The following CELF2 variants were observed in gnomAD, a reference collection of about 807,000 sequenced individuals.
The protein encoded by CELF2 is CUGBP Elav-like family member 2, also known as CUG triplet repeat RNA-binding protein 2.
In CELF2, 8 loss-of-function variants were observed where a neutral mutation model predicts 62.6. The observed-to-expected ratio is 0.13, with a 90% confidence interval of 0.07 to 0.23. The LOEUF is 0.23. Among genes scored for constraint, CELF2 ranks in the 10% least tolerant of loss-of-function variants. The pLI is 1.00. For missense variants in CELF2, 333 were observed against 671.0 expected (o/e 0.50, Z 5.56); for synonymous variants, 258 against 250.0 (o/e 1.03, Z -0.30).
the CELF2 span, among the ~76,000 whole-genome samples, chr10:10,487,086 G>A: frequency 8.5e-5 from 13 of 152,166 alleles, no homozygotes; most frequent in Non-Finnish European, 2.9e-5. Flanking sequence ...AAGTAGACAT[G>A]TTTCAGAATA....
chr10:11,197,319 G>A (rs560172791), intron 2 of CELF2, among the ~76,000 whole-genome samples: 3 of 152,264 alleles, frequency 2.0e-5, no homozygotes, highest in South Asian at 4.1e-4. Flanking sequence ...GCCTCCCATT[G>A]TGATGCTCAC....
In CELF2 at chr10:11,242,015, T is replaced by C. The variant is rs1252044322; in HGVS notation, c.355-7138T>C. On this transcript the variant is annotated intron_variant, in intron 3 of 12. Transcript: ENST00000633077. This position sits in a 1 kb window ranked among gnomAD's most constrained non-coding sequence, Gnocchi z 4.8. ...GTGTTGTCATGGAATGAAAGAAAAA[T>C]ACCAGTGGGTCTTTACTGGCCATAA... Among the ~76,000 whole-genome samples the C allele has an allele frequency of 2.0e-5, 3 of 152,136 alleles. No individual in the cohort carries two copies. The highest frequency in any genetic ancestry group is 4.4e-5 in the Non-Finnish European group (3 of 68,014).
intron 2 of CELF2, chr10:10,924,940 T>C (rs2065320285): frequency 6.6e-6 from 1 of 152,180 alleles, no homozygotes; most frequent in Non-Finnish European, 1.5e-5. Flanking sequence ...TCTTAAGTCA[T>C]AGATCTTTGT....
At chr10:10,914,155 C>G (rs564462917) in intron 1 of CELF2, among the ~76,000 whole-genome samples, 19 of 151,860 alleles carry the variant, frequency 1.3e-4, no homozygotes, top group African/African-American at 3.4e-4. Flanking sequence ...GTTCTCTGTA[C>G]TTTTGGGAAA....
At chr10:11,073,308 C>T (rs962411853) in intron 1 of CELF2, among the ~76,000 whole-genome samples, 3 of 152,114 alleles carry the variant, frequency 2.0e-5, no homozygotes, top group African/African-American at 7.2e-5. Flanking sequence ...ATTTTGGTGG[C>T]ACTTAAGCCC....
rs71378768 is a variant in CELF2 at position 10,833,013 on chromosome 10, C to CTGTGTGTGTGTGTG, written c.53+34222_53+34235dup. Among the ~76,000 whole-genome samples the CTGTGTGTGTGTGTG allele has an allele frequency of 4.4e-3, 634 of 144,598 alleles. 7 individuals are homozygous for CTGTGTGTGTGTGTG. The highest frequency in any genetic ancestry group is 6.7e-3 in the African/African-American group (260 of 38,776). The allele number at this position is 144,598 out of a possible 152,430, so 94.9% of individuals were successfully genotyped here. On this transcript the variant is annotated intron_variant, in intron 1 of 13. Coordinates refer to the CELF2 transcript ENST00000636488. ...GAGCCTCCTACAGACACAGAAAACT[C>CTGTGTGTGTGTGTG]TGTGTGTGTGTGTGTGTGTGTGTGT...
At position 10,863,768 on chromosome 10, in the gene CELF2, A is replaced by G. The variant is rs202066781; in HGVS notation, c.54-56196A>G. Among the ~76,000 whole-genome samples the G allele has an allele frequency of 2.2e-3, 340 of 152,278 alleles. 3 individuals carry two copies. The highest frequency in any genetic ancestry group is 5.5e-3 in the Admixed American group (84 of 15,300). The stretch of plus-strand genomic sequence containing the variant: ...GCAAACGTAAGTGAAACTTAGCTTG[A>G]GCCACTTCTTATAAATGCCTGTATT... On this transcript the variant is annotated intron_variant, in intron 1 of 13. Coordinates refer to the CELF2 transcript ENST00000636488.
At chr10:11,094,638 C>T (rs1305867375) in intron 1 of CELF2, among the ~76,000 whole-genome samples, 1 of 152,106 alleles carries the variant, frequency 6.6e-6, no homozygotes, top group South Asian at 2.1e-4. Context: ...TTAAATACAT[C>T]GGCTGATTTA....
the CELF2 span, among the ~76,000 whole-genome samples, chr10:10,698,958 TATC>T: frequency 2.6e-5 from 4 of 152,102 alleles, no homozygotes; most frequent in Admixed American, 6.5e-5. Context: ...AATGTGTACA[TATC>T]ATACATAATT....
At chr10:10,634,479 A>C in the CELF2 span, among the ~76,000 whole-genome samples, 2 of 152,256 alleles carry the variant, frequency 1.3e-5, no homozygotes, top group African/African-American at 2.4e-5. Context: ...CATCAGCTGC[A>C]GATATGCCTT....
In CELF2 at chr10:10,873,412, A is replaced by G. The variant is rs2060884860; in HGVS notation, c.54-46552A>G. 1.3e-5 allele frequency among the ~76,000 whole-genome samples: 2 copies of G among 152,172 alleles called. 1 individual carries two copies. The highest frequency in any genetic ancestry group is 4.1e-4 in the South Asian group (2 of 4,824). ...AACAGTATTAGTGATAAAACTATTA[A>G]TTGGTTGCCTTTGCTTTGATAAGCA... On this transcript the variant is annotated intron_variant, in intron 1 of 13. Coordinates refer to the CELF2 transcript ENST00000636488.
At chr10:10,695,580 T>G in the CELF2 span, among the ~76,000 whole-genome samples, 138 of 151,418 alleles carry the variant, frequency 9.1e-4, no homozygotes, top group African/African-American at 3.3e-3. Context: ...GAAGTTCTCC[T>G]GGATAATATC....
the CELF2 span, among the ~76,000 whole-genome samples, chr10:10,759,838 T>A: frequency 2.8e-4 from 43 of 152,224 alleles, no homozygotes; most frequent in African/African-American, 1.0e-3. Context: ...GAAGACAAAT[T>A]ATATTCTTGA....
At chr10:11,197,125 C>T (rs2058165973) in intron 2 of CELF2, among the ~76,000 whole-genome samples, 1 of 151,594 alleles carries the variant, frequency 6.6e-6, no homozygotes, top group Non-Finnish European at 1.5e-5. Flanking sequence ...CATTCATTGT[C>T]TGCGTTGGTT....
the CELF2 span, among the ~76,000 whole-genome samples, chr10:10,651,019 G>C: frequency 4.0e-5 from 6 of 151,874 alleles, no homozygotes; most frequent in African/African-American, 7.3e-5. Flanking sequence ...TGCGCGCACC[G>C]TGCGCGAGCC....
chr10:11,241,689 T>C (rs2073946331), intron 3 of CELF2, among the ~76,000 whole-genome samples: 1 of 152,220 alleles, frequency 6.6e-6, no homozygotes, highest in African/African-American at 2.4e-5. Flanking sequence ...TTTTTGATTA[T>C]TCCCCATCTC....
chr10:10,578,827 A>C, the CELF2 span, among the ~76,000 whole-genome samples: 1 of 152,138 alleles, frequency 6.6e-6, no homozygotes, highest in African/African-American at 2.4e-5. Context: ...TTCTTCCTCT[A>C]AGAGCTAAGA....
chr10:10,717,856 T>C, the CELF2 span, among the ~76,000 whole-genome samples: 1 of 152,198 alleles, frequency 6.6e-6, no homozygotes, highest in Non-Finnish European at 1.5e-5. Context: ...TTAGTGTCTC[T>C]GTGGATATTA....
At position 11,246,355 on chromosome 10, in the gene CELF2, C is replaced by T. The variant is rs140140665; in HGVS notation, c.355-2798C>T. On this transcript the variant is annotated intron_variant, in intron 3 of 12. Coordinates refer to ENST00000633077, the MANE Select transcript of CELF2 (RefSeq NM_001326342.2). The surrounding 1 kb of genome is among the most constrained non-coding windows in gnomAD (Gnocchi z 4.6). ...GCAGATGAACCTGTATAAGTCTTTC[C>T]TGTCTTGAAAGGACAGATGGGTGGC... 1.6e-3 allele frequency among the ~76,000 whole-genome samples: 241 copies of T among 152,258 alleles called. No individual in the cohort carries two copies. Among genetic ancestry groups the T allele is most frequent in the African/African-American group, 5.6e-3 (234 of 41,548 alleles).
Sources: gnomAD v4.1 joint callset for allele counts (sites outside exome capture counted in the v4.1 genomes callset) on GRCh38, gnomAD v4.1.1 for gene constraint, Gnocchi (gnomAD v3.1) non-coding constraint, MANE v1.5 for transcripts, NCBI Gene and HGNC (gene_info 2026-07-23, HGNC 2026-07-21) for gene names.